The following DPF3 variants were observed in gnomAD, a reference collection of about 807,000 sequenced individuals.
DPF3 encodes double PHD fingers 3, also known as zinc finger protein DPF3.
A neutral mutation model predicts 56.8 loss-of-function variants in DPF3; 18 were observed. That is an observed-to-expected ratio of 0.32 (90% CI 0.22 to 0.47). The LOEUF (loss-of-function observed/expected upper bound fraction) is 0.47, where lower values mean the gene tolerates loss of function less well. DPF3 is among the 20% of genes least tolerant of loss of function. The probability of loss-of-function intolerance (pLI) is 1.00; values close to 1 mark genes in which losing one functional copy is unlikely to be tolerated. For missense variants in DPF3, 403 were observed against 488.8 expected, an observed-to-expected ratio of 0.82 and a Z score of 1.65; for synonymous variants, 188 against 180.2, an observed-to-expected ratio of 1.04 and a Z score of -0.35.
At chr14:72,809,602 T>C (rs575046814) in intron 1 of DPF3, among the ~76,000 whole-genome samples, 13 of 152,284 alleles carry the variant, frequency 8.5e-5, no homozygotes, top group East Asian at 5.8e-4. Context: ...ATGTGGCTGA[T>C]GGCAGGTCCT....
intron 2 of DPF3, among the ~76,000 whole-genome samples, chr14:72,761,913 C>T (rs1483801713): frequency 6.6e-6 from 1 of 151,492 alleles, no homozygotes; most frequent in Non-Finnish European, 1.5e-5. Flanking sequence ...AGTAATGCAG[C>T]AATATTATGA....
intron 8 of DPF3, chr14:72,670,518 G>A (rs947371140): frequency 6.2e-6 from 6 of 972,702 alleles, no homozygotes; most frequent in East Asian, 1.3e-4. Context: ...GGTCTGCCGC[G>A]GGGAGCCGCA....
chr14:72,866,325 A>T (rs1483103034), intron 1 of DPF3, among the ~76,000 whole-genome samples: 1 of 151,168 alleles, frequency 6.6e-6, no homozygotes, highest in Non-Finnish European at 1.5e-5. Flanking sequence ...AACCTTAAGT[A>T]ACTCCCCAGC....
intron 1 of DPF3, among the ~76,000 whole-genome samples, chr14:72,839,340 T>C (rs1001934805): frequency 6.6e-6 from 1 of 152,184 alleles, no homozygotes; most frequent in African/African-American, 2.4e-5. Context: ...TGAATTTTTA[T>C]CTTAAATACT....
At chr14:72,818,771 C>T (rs145984862) in intron 1 of DPF3, among the ~76,000 whole-genome samples, 2,121 of 152,302 alleles carry the variant, frequency 0.014, 40 homozygotes, top group African/African-American at 0.048. Context: ...AAATACTCAA[C>T]ATGATTCCAA....
chr14:72,728,764 C>G (rs762156273), intron 4 of DPF3, among the ~76,000 whole-genome samples: 1 of 151,848 alleles, frequency 6.6e-6, no homozygotes, highest in Admixed American at 6.6e-5. Context: ...ATCCTGCCCT[C>G]GAGGAGTTTA....
intron 6 of DPF3, 72 bp downstream of exon 6, chr14:72,714,351 G>A (rs948391296): frequency 6.3e-7 from 1 of 1,584,380 alleles, no homozygotes; most frequent in Admixed American, 1.7e-5. Flanking sequence ...GATGGCCAAG[G>A]AAGCACAGGG....
intron 3 of DPF3, among the ~76,000 whole-genome samples, chr14:72,736,091 C>T (rs998292723): frequency 1.3e-5 from 2 of 152,152 alleles, no homozygotes. Context: ...ATACCGGCCA[C>T]TTATGTAATT....
intron 2 of DPF3, among the ~76,000 whole-genome samples, chr14:72,764,652 AT>A (rs560210654): frequency 6.6e-6 from 1 of 150,562 alleles, no homozygotes; most frequent in Admixed American, 6.6e-5. Flanking sequence ...CGCCCAGCTT[AT>A]TTTTTTTGTT....
intron 8 of DPF3, among the ~76,000 whole-genome samples, chr14:72,669,741 C>G (rs1451930654): frequency 6.6e-6 from 1 of 152,164 alleles, no homozygotes; most frequent in African/African-American, 2.4e-5. Flanking sequence ...AGATCACACA[C>G]CTATGCCAGG....
intron 8 of DPF3, among the ~76,000 whole-genome samples, chr14:72,666,867 G>A (rs1309207349): frequency 6.6e-6 from 1 of 152,196 alleles, no homozygotes; most frequent in African/African-American, 2.4e-5. Flanking sequence ...ATTCCTAACA[G>A]ATGAGTCTGC....
chr14:72,799,340 G>C (rs769920074), intron 1 of DPF3, among the ~76,000 whole-genome samples: 13 of 152,126 alleles, frequency 8.5e-5, no homozygotes, highest in Admixed American at 3.9e-4. Flanking sequence ...TCAGAGACAG[G>C]CTTGTGACTA....
At chr14:72,714,358 A>G in intron 6 of DPF3, 65 bp downstream of exon 6, 1 of 1,594,014 alleles carries the variant, frequency 6.3e-7, no homozygotes, top group Non-Finnish European at 8.6e-7. Flanking sequence ...AAGGAAGCAC[A>G]GGGAAGAGGG....
At chr14:72,830,532 C>T (rs971805255) in intron 1 of DPF3, among the ~76,000 whole-genome samples, 4 of 151,952 alleles carry the variant, frequency 2.6e-5, no homozygotes, top group Non-Finnish European at 5.9e-5. Flanking sequence ...GGCACTGTTC[C>T]AAGCCTCCCT....
At chr14:72,684,686 G>A (rs186252896) in intron 7 of DPF3, among the ~76,000 whole-genome samples, 8 of 152,214 alleles carry the variant, frequency 5.3e-5, no homozygotes, top group Admixed American at 3.9e-4. Flanking sequence ...TGTAATGCAG[G>A]GGTGGGGTCT....
At chr14:72,664,603 A>C in intron 8 of DPF3, among the ~76,000 whole-genome samples, 1 of 114,622 alleles carries the variant, frequency 8.7e-6, no homozygotes, top group African/African-American at 3.5e-5. Context: ...TCTCTCCTTT[A>C]CCCCTCACCA....
intron 8 of DPF3, among the ~76,000 whole-genome samples, chr14:72,660,771 T>C (rs866339250): frequency 6.6e-6 from 1 of 152,170 alleles, no homozygotes; most frequent in Non-Finnish European, 1.5e-5. Context: ...GTGATGGTGA[T>C]GGTGATGGGG....
At chr14:72,857,153 A>G (rs1885199343) in intron 1 of DPF3, among the ~76,000 whole-genome samples, 1 of 152,146 alleles carries the variant, frequency 6.6e-6, no homozygotes, top group Admixed American at 6.5e-5. Context: ...AGCTTAGAAT[A>G]ACTATTTGCT....
intron 6 of DPF3, among the ~76,000 whole-genome samples, chr14:72,694,183 A>G (rs1887813911): frequency 6.6e-6 from 1 of 152,216 alleles, no homozygotes; most frequent in African/African-American, 2.4e-5. Context: ...CTCCCCACAT[A>G]GGGATCATTA....
Sources: allele counts gnomAD v4.1 joint callset (sites outside exome capture counted in the v4.1 genomes callset), GRCh38; gene constraint gnomAD v4.1.1; transcripts MANE v1.5; gene names NCBI Gene and HGNC (gene_info 2026-07-23, HGNC 2026-07-21).